GPC5: variants seen among roughly 807,000 people sequenced by gnomAD.
GPC5 encodes glypican 5.
GPC5 carries 47 observed loss-of-function variants against 53.9 expected under a neutral mutation model. That is an observed-to-expected ratio of 0.87 (90% confidence interval 0.69 to 1.11). GPC5 has a LOEUF of 1.11. GPC5 is among the 50% of genes most tolerant of loss of function. The probability of loss-of-function intolerance (pLI) is 0.00; values close to 1 mark genes in which losing one functional copy is unlikely to be tolerated. For synonymous variants in GPC5, 286 were observed against 263.3 expected, an observed-to-expected ratio of 1.09 and a Z score of -0.84; for missense variants, 748 against 713.1, an observed-to-expected ratio of 1.05 and a Z score of -0.56.
intron 7 of GPC5, among the ~76,000 whole-genome samples, chr13:92,423,089 A>G (rs1005365673): frequency 6.6e-5 from 10 of 152,280 alleles, no homozygotes; most frequent in African/African-American, 2.4e-4. Context: ...ATAGATGACT[A>G]TCTTCTGTGT....
chr13:91,448,356 T>C (rs1312937015), intron 1 of GPC5, among the ~76,000 whole-genome samples: 1 of 152,218 alleles, frequency 6.6e-6, no homozygotes, highest in East Asian at 1.9e-4. Context: ...TTCAGTTTCA[T>C]TTCCCCATGA....
chr13:92,524,764 C>A (rs1881210151), intron 7 of GPC5, among the ~76,000 whole-genome samples: 2 of 152,024 alleles, frequency 1.3e-5, no homozygotes, highest in African/African-American at 4.8e-5. Context: ...TTGTTTTAGG[C>A]TCCTCAGAAA....
At chr13:92,123,181 G>A (rs1010512799) in intron 6 of GPC5, among the ~76,000 whole-genome samples, 6 of 151,922 alleles carry the variant, frequency 3.9e-5, no homozygotes, top group Non-Finnish European at 8.8e-5. Flanking sequence ...AGAAAGGCAG[G>A]ATCACCTGAG....
intron 2 of GPC5, among the ~76,000 whole-genome samples, chr13:91,670,499 A>AT: frequency 6.6e-6 from 1 of 152,212 alleles, no homozygotes; most frequent in Non-Finnish European, 1.5e-5. Context: ...AAGGGAGTTC[A>AT]TTTTGGGAGA....
chr13:91,588,771 C>T (rs911769350), intron 2 of GPC5, among the ~76,000 whole-genome samples: 1 of 152,004 alleles, frequency 6.6e-6, no homozygotes, highest in African/African-American at 2.4e-5. Context: ...TGTGTCATTG[C>T]ATTTTCAGTT....
rs1050434269 is a variant in GPC5 at position 91,472,788 on chromosome 13, C to A, written c.325+23866C>A. Among the ~76,000 whole-genome samples the A allele has an allele frequency of 2.0e-4, 30 of 152,130 alleles. 2 individuals carry two copies. Among genetic ancestry groups the A allele is most frequent in the Admixed American group, 1.9e-3 (29 of 15,266 alleles). ...CTGAATTTGTGCCTTCGTACTTGAT[C>A]CCATCAAAATGAAGAGCTGGGAGAG... On this transcript the variant is annotated intron_variant, in intron 2 of 7. Coordinates refer to ENST00000377067, the MANE Select transcript of GPC5 (RefSeq NM_004466.6).
At chr13:92,299,155 A>G (rs1243976206) in intron 7 of GPC5, among the ~76,000 whole-genome samples, 2 of 152,130 alleles carry the variant, frequency 1.3e-5, no homozygotes, top group Non-Finnish European at 2.9e-5. Context: ...GATGTATGTC[A>G]CTCCAACTCT....
At chr13:92,585,003 T>A (rs577276209) in intron 7 of GPC5, among the ~76,000 whole-genome samples, 1 of 151,930 alleles carries the variant, frequency 6.6e-6, no homozygotes, top group Non-Finnish European at 1.5e-5. Context: ...TAGGCAAAAG[T>A]TTGCTGGTGG....
In GPC5 at chr13:91,561,059, T is replaced by G. The variant is rs77287984; in HGVS notation, c.325+112137T>G. Among the ~76,000 whole-genome samples the G allele has an allele frequency of 3.9e-5, 6 of 152,270 alleles. No individual in the cohort carries two copies. The East Asian group carries it at 1.2e-3, about 29-fold the overall frequency. ...GCTTTTGGGGTTACTGTCTTTGAAC[T>G]GTCACTAATTTTTGGTTCCTGGAGA... On this transcript the variant is annotated intron_variant, in intron 2 of 7. Transcript: ENST00000377067.
chr13:91,755,246 T>C (rs2037264815), intron 4 of GPC5, among the ~76,000 whole-genome samples: 1 of 152,122 alleles, frequency 6.6e-6, no homozygotes, highest in African/African-American at 2.4e-5. Context: ...TAGAATCACC[T>C]GTCTTCTTTG....
At position 92,128,440 on chromosome 13, in the gene GPC5, C is replaced by T. The variant is rs537860940; in HGVS notation, c.1402-16390C>T. ...ATGCTGTCACATTTTAAGCTGCTTC[C>T]TCAGAATATGTTGGTTGAAATCTAC... On this transcript the variant is annotated intron_variant, in intron 6 of 7. Transcript: ENST00000377067. Among the ~76,000 whole-genome samples the T allele has an allele frequency of 2.2e-3, 340 of 152,332 alleles. 1 individual carries two copies. The highest frequency in any genetic ancestry group is 7.8e-3 in the African/African-American group (323 of 41,564).
chr13:91,980,042 A>G (rs566069948), intron 6 of GPC5, among the ~76,000 whole-genome samples: 22 of 152,334 alleles, frequency 1.4e-4, no homozygotes, highest in African/African-American at 5.1e-4. Flanking sequence ...ATGCAAAAGA[A>G]TACTATAGGC....
At chr13:92,053,395 G>A (rs2041046727) in intron 6 of GPC5, among the ~76,000 whole-genome samples, 1 of 152,156 alleles carries the variant, frequency 6.6e-6, no homozygotes, top group Non-Finnish European at 1.5e-5. Flanking sequence ...GAGGGTCTGA[G>A]CACAAACGTT....
At chr13:91,449,169 A>G (rs1881011461) in intron 2 of GPC5, among the ~76,000 whole-genome samples, 1 of 152,134 alleles carries the variant, frequency 6.6e-6, no homozygotes, top group Non-Finnish European at 1.5e-5. Context: ...TTGGAAATAT[A>G]TACTGCTATA....
chr13:92,461,828 T>C (rs566372334), intron 7 of GPC5, among the ~76,000 whole-genome samples: 1 of 152,204 alleles, frequency 6.6e-6, no homozygotes, highest in East Asian at 1.9e-4. Flanking sequence ...CTGTGAGAAA[T>C]AAACATTTGT....
Position 91,439,258 on chromosome 13 carries a change from C to T in GPC5, c.164-9503C>T, listed in dbSNP as rs974010813. Among the ~76,000 whole-genome samples the T allele has an allele frequency of 2.6e-5, 4 of 152,326 alleles. No individual in the cohort carries two copies. The South Asian group carries it at 8.3e-4, about 32-fold the overall frequency. On this transcript the variant is annotated intron_variant, in intron 1 of 7. Transcript: ENST00000377067. ...TTGTTATAGCTGGTGTGTGTGCATA[C>T]ACATGCTAGTGGCATCTAATGGGTA...
intron 7 of GPC5, among the ~76,000 whole-genome samples, chr13:92,600,592 G>A (rs1202038890): frequency 6.6e-6 from 1 of 151,608 alleles, no homozygotes; most frequent in African/African-American, 2.4e-5. Context: ...CCGTCTCCCA[G>A]GTTCAAGTGA....
chr13:92,389,893 A>G (rs1382960658), intron 7 of GPC5, among the ~76,000 whole-genome samples: 3 of 152,190 alleles, frequency 2.0e-5, no homozygotes, highest in Admixed American at 2.0e-4. Flanking sequence ...AAAAGTATGA[A>G]CTACAAGTTG....
chr13:92,429,751 A>T (rs762150996), intron 7 of GPC5, among the ~76,000 whole-genome samples: 1 of 152,120 alleles, frequency 6.6e-6, no homozygotes. Context: ...TGAACACTAG[A>T]TGGATAGGTA....
Sources: allele counts gnomAD v4.1 joint callset (sites outside exome capture counted in the v4.1 genomes callset), GRCh38; gene constraint gnomAD v4.1.1; transcripts MANE v1.5; gene names NCBI Gene and HGNC (gene_info 2026-07-23, HGNC 2026-07-21).